The following SVEP1 variants were observed in gnomAD, a reference collection of about 807,000 sequenced individuals.
The protein encoded by SVEP1 is sushi, von Willebrand factor type A, EGF and pentraxin domain-containing protein 1.
A neutral mutation model predicts 367.3 loss-of-function variants in SVEP1; 164 were observed. The observed-to-expected ratio is 0.45, with a 90% CI of 0.39 to 0.51. SVEP1 has a LOEUF of 0.51. SVEP1 is among the 20% of genes least tolerant of loss of function. The probability of loss-of-function intolerance (pLI) is 0.00; values close to 1 mark genes in which losing one functional copy is unlikely to be tolerated. For missense variants in SVEP1, 4,117 were observed against 4,425.3 expected, an observed-to-expected ratio of 0.93 and a Z score of 1.98; for synonymous variants, 1,666 against 1,611.6, an observed-to-expected ratio of 1.03 and a Z score of -0.81.
At chr9:110,505,787 T>C (rs1588084726) in intron 5 of SVEP1, among the ~76,000 whole-genome samples, 1 of 151,822 alleles carries the variant, frequency 6.6e-6, no homozygotes, top group African/African-American at 2.4e-5. Flanking sequence ...TATCCTGGAG[T>C]TATATTCCTG....
rs1376628162 is a variant in SVEP1 at position 110,387,408 on chromosome 9, C to G, written c.9937G>C (p.Glu3313Gln). The G allele has an allele frequency of 3.1e-6, 5 of 1,612,992 alleles. No homozygotes were observed. Among genetic ancestry groups the G allele is most frequent in the African/African-American group, 2.7e-5 (2 of 74,714 alleles). Residue 3313 changes from glutamate to glutamine, a missense_variant, in exon 42 of 48, where the codon GAA (glutamate) becomes CAA (glutamine). Glu to Gln is a conservative substitution (Grantham distance 29). Transcript: ENST00000374469. ...ACGTTGGGTCCAGTCGTCCTGTTTT[C>G]AATGTCAGCTTTCCCATTGAGAAAT... Reference protein sequence around the residue: ...LEFLNGKADIENRTTGPNVVY... With the variant: ...LEFLNGKADIQNRTTGPNVVY...
intron 39 of SVEP1, 36 bp downstream of exon 39, chr9:110,404,291 T>C (rs1827918802): frequency 6.3e-7 from 1 of 1,588,866 alleles, no homozygotes; most frequent in Admixed American, 1.7e-5. Flanking sequence ...TATGTATATG[T>C]AGGCATTACA....
At chr9:110,516,188 C>T (rs1829801715) in intron 3 of SVEP1, among the ~76,000 whole-genome samples, 1 of 148,228 alleles carries the variant, frequency 6.7e-6, no homozygotes, top group Non-Finnish European at 1.5e-5. Context: ...TAAACTAAAA[C>T]TAAAATATAA....
intron 26 of SVEP1, among the ~76,000 whole-genome samples, chr9:110,444,790 C>G (rs1322478448): frequency 2.0e-5 from 3 of 152,172 alleles, no homozygotes; most frequent in African/African-American, 7.2e-5. Flanking sequence ...GGTTTCCTTT[C>G]TGCATTTTTC....
At chr9:110,557,015 A>T (rs183462058) in intron 1 of SVEP1, among the ~76,000 whole-genome samples, 1 of 152,200 alleles carries the variant, frequency 6.6e-6, no homozygotes, top group African/African-American at 2.4e-5. Context: ...AGCTACTTGT[A>T]ATACTTGACC....
At chr9:110,515,324 G>T (rs564306616) in intron 3 of SVEP1, among the ~76,000 whole-genome samples, 2 of 139,274 alleles carry the variant, frequency 1.4e-5, no homozygotes, top group African/African-American at 5.4e-5. Context: ...TTTTTGAGAC[G>T]GAGTCTCGCT....
At chr9:110,371,264 G>A (rs1408310570) in intron 46 of SVEP1, among the ~76,000 whole-genome samples, 3 of 152,122 alleles carry the variant, frequency 2.0e-5, no homozygotes, top group Admixed American at 1.3e-4. Context: ...ATAAGAACAC[G>A]TTACTCCTTT....
chr9:110,409,076 A>T, intron 37 of SVEP1, 125 bp from the exon 38 acceptor site: 1 of 1,077,272 alleles, frequency 9.3e-7, no homozygotes, highest in Admixed American at 2.7e-5. Flanking sequence ...GAAGTAAGCA[A>T]ATAATGATTT....
chr9:110,373,194 C>T (rs556673607), intron 46 of SVEP1, among the ~76,000 whole-genome samples: 9 of 152,194 alleles, frequency 5.9e-5, no homozygotes, highest in South Asian at 2.1e-4. Flanking sequence ...GCAGGAGAAA[C>T]GTGGGTAAAT....
chr9:110,428,399 AACACACAC>A lies in SVEP1; in HGVS notation c.5808-649_5808-642del, dbSNP rs113743775. ...CTTTCTCCACTGTCCCCTCTGTTTAAACACACACACACACACACACACACACACACCAT... is the reference window on the plus strand; with the variant it reads ...CTTTCTCCACTGTCCCCTCTGTTTAAACACACACACACACACACACACCAT... On this transcript the variant is annotated intron_variant, in intron 35 of 47. Coordinates refer to ENST00000374469, the MANE Select transcript of SVEP1 (RefSeq NM_153366.4). Among the ~76,000 whole-genome samples the A allele has an allele frequency of 3.5e-3, 418 of 120,236 alleles. 4 individuals carry two copies. The highest frequency in any genetic ancestry group is 0.014 in the African/African-American group (385 of 28,228). 78.9% of individuals were successfully genotyped at this position (120,236 alleles called of 152,430 possible).
chr9:110,379,320 G>A (rs1048881130), intron 44 of SVEP1, 27 bp downstream of exon 44: 1 of 1,609,308 alleles, frequency 6.2e-7, no homozygotes, highest in African/African-American at 1.3e-5. Context: ...GTTTCACTAA[G>A]AAATAACCAT....
At chr9:110,384,003 G>A (rs1210096801) in intron 43 of SVEP1, among the ~76,000 whole-genome samples, 3 of 151,968 alleles carry the variant, frequency 2.0e-5, no homozygotes, top group Non-Finnish European at 4.4e-5. Flanking sequence ...GATGGTGGCC[G>A]CCTCTTCCCC....
chr9:110,502,229 A>G (rs751266855), intron 6 of SVEP1, among the ~76,000 whole-genome samples: 3 of 150,502 alleles, frequency 2.0e-5, no homozygotes, highest in Non-Finnish European at 2.9e-5. Flanking sequence ...CAGCCTCCTG[A>G]GTAGCTGGGA....
intron 13 of SVEP1, among the ~76,000 whole-genome samples, chr9:110,478,518 A>G (rs952588347): frequency 1.3e-5 from 2 of 152,198 alleles, no homozygotes; most frequent in Non-Finnish European, 2.9e-5. Flanking sequence ...ACACACAAAA[A>G]TATTTAACAT....
At chr9:110,374,512 T>C (rs1377707513) in intron 46 of SVEP1, among the ~76,000 whole-genome samples, 1 of 152,076 alleles carries the variant, frequency 6.6e-6, no homozygotes, top group Non-Finnish European at 1.5e-5. Context: ...TAGCAGGGTA[T>C]GGCAGCAGGT....
rs762142028 is a variant in SVEP1 at position 110,514,065 on chromosome 9, C to T, written c.1006G>A (p.Gly336Arg). The change falls in exon 4 of 48, where the codon GGA (glycine) becomes AGA (arginine). Residue 336 changes from glycine (G) to arginine (R), a missense_variant. Around this residue, in one of 4 missense-constraint regions of SVEP1, gnomAD observed 2,174 missense variants for 2,494.3 expected, o/e 0.87. Transcript: ENST00000374469. Reference sequence around the variant, plus strand: ...GGACATGGAATGCAACTGCTGATTCCTCCTGGTGAGCCTTCAGGTTTGTAT... The same window carrying T: ...GGACATGGAATGCAACTGCTGATTCTTCCTGGTGAGCCTTCAGGTTTGTAT... ...GTYKPEGSPGGISSCIPCPDE... is the reference protein window; with the variant it reads ...GTYKPEGSPGRISSCIPCPDE... 7 of 1,611,240 alleles carry T rather than the reference C, an allele frequency of 4.3e-6. No homozygotes were observed. The highest frequency in any genetic ancestry group is 3.3e-5 in the South Asian group (3 of 90,262).
intron 46 of SVEP1, among the ~76,000 whole-genome samples, chr9:110,374,715 T>A (rs1006038784): frequency 3.3e-5 from 5 of 152,186 alleles, no homozygotes; most frequent in African/African-American, 9.7e-5. Context: ...GGAACACTTA[T>A]ACACTGTTGG....
At chr9:110,392,614 C>A (rs964870792) in intron 40 of SVEP1, among the ~76,000 whole-genome samples, 47 of 152,202 alleles carry the variant, frequency 3.1e-4, no homozygotes, top group African/African-American at 1.1e-3. Context: ...ACTGTAACTT[C>A]CCCTCATCTA....
At chr9:110,385,822 G>C in intron 43 of SVEP1, 76 bp downstream of exon 43, 1 of 1,488,328 alleles carries the variant, frequency 6.7e-7, no homozygotes, top group East Asian at 2.4e-5. Context: ...TAAGTGACTT[G>C]ATTGAAAACA....
Sources: gnomAD v4.1 joint callset for allele counts (sites outside exome capture counted in the v4.1 genomes callset) on GRCh38, gnomAD v4.1.1 for gene constraint, gnomAD v4.1.1 regional missense constraint, MANE v1.5 for transcripts, NCBI Gene and HGNC (gene_info 2026-07-23, HGNC 2026-07-21) for gene names.